TAAR8: variants seen among roughly 807,000 people sequenced by gnomAD.
TAAR8 encodes the protein trace amine associated receptor 8, also known as trace amine-associated receptor 8.
For synonymous variants in TAAR8, 157 were observed against 152.7 expected (o/e 1.03, Z -0.21); for missense variants, 459 against 405.8 (o/e 1.13, Z -1.13).
chr6:132,553,319 C>G (rs886346008), exon 1 of TAAR8: 1 of 1,613,996 alleles, frequency 6.2e-7, no homozygotes, highest in African/African-American at 1.3e-5. Flanking sequence ...TCATACCTAC[C>G]CTTGTTATGA....
exon 1 of TAAR8, chr6:132,553,152 G>C: frequency 6.2e-7 from 1 of 1,614,136 alleles, no homozygotes; most frequent in Non-Finnish European, 8.5e-7. Context: ...TTGCATCAGC[G>C]TGTCCTGGAT....
exon 1 of TAAR8, chr6:132,553,054 A>G: frequency 6.2e-7 from 1 of 1,614,110 alleles, no homozygotes; most frequent in Non-Finnish European, 8.5e-7. Context: ...TCTGTCCTCC[A>G]CTTGTGCTTC....
chr6:132,553,257 T>C, exon 1 of TAAR8: 1 of 1,614,246 alleles, frequency 6.2e-7, no homozygotes, highest in East Asian at 2.2e-5. Flanking sequence ...CGTAGGTGGC[T>C]GTCAAATTAT....
chr6:132,553,383 G>A, exon 1 of TAAR8: 1 of 1,614,042 alleles, frequency 6.2e-7, no homozygotes. Context: ...TATAAAAATT[G>A]AAACTACTAG....
At chr6:132,553,435 T>C in exon 1 of TAAR8, 1 of 1,613,872 alleles carries the variant, frequency 6.2e-7, no homozygotes, top group South Asian at 1.1e-5. Context: ...AAAATCAGAG[T>C]GGCCAAGAGA....
At position 132,553,237 on chromosome 6, in the gene TAAR8, C is replaced by G. The variant is rs376100244; in HGVS notation, c.545C>G (p.Ala182Gly). 2.8e-5 allele frequency: 45 copies of G among 1,614,064 alleles called. No individual in the cohort carries two copies. The highest frequency in any genetic ancestry group is 3.6e-5 in the Non-Finnish European group (43 of 1,180,028). ...GATGGGCTGGAGGAATTAGTAAGTG[C>G]TCTCAACTGCGTAGGTGGCTGTCAA... The change falls in exon 1 of 1, where the codon GCT becomes GGT. Residue 182 changes from alanine (A) to glycine (G), a missense_variant. Transcript: ENST00000275200.
At chr6:132,553,148 C>A in exon 1 of TAAR8, 2 of 1,614,154 alleles carry the variant, frequency 1.2e-6, no homozygotes, top group South Asian at 1.1e-5. Context: ...GAATTTGCAT[C>A]AGCGTGTCCT....
chr6:132,552,749 ATCT>A, exon 1 of TAAR8: 1 of 1,614,140 alleles, frequency 6.2e-7, no homozygotes. Flanking sequence ...ATGTGAATGG[ATCT>A]TGTATTGAAA....
chr6:132,552,728 T>C, exon 1 of TAAR8: 1 of 1,613,854 alleles, frequency 6.2e-7, no homozygotes, highest in Middle Eastern at 1.7e-4. Flanking sequence ...TTGTGCAGCT[T>C]TGCTATGAGG....
At chr6:132,553,035 T>C (rs781770068) in exon 1 of TAAR8, 19 of 1,614,228 alleles carry the variant, frequency 1.2e-5, no homozygotes, top group Non-Finnish European at 1.6e-5. Flanking sequence ...TGTGGCATTT[T>C]GTTACTCTTC....
chr6:132,553,371 G>T, exon 1 of TAAR8: 1 of 1,614,022 alleles, frequency 6.2e-7, no homozygotes, highest in Non-Finnish European at 8.5e-7. Flanking sequence ...TAAACAACAA[G>T]CTATAAAAAT....
At chr6:132,553,336 T>C (rs778578486) in exon 1 of TAAR8, 8 of 1,613,920 alleles carry the variant, frequency 5.0e-6, no homozygotes, top group Non-Finnish European at 5.9e-6. Context: ...ATGATAATTC[T>C]TTACAGTAAG....
chr6:132,553,539 A>G, exon 1 of TAAR8: 1 of 1,614,056 alleles, frequency 6.2e-7, no homozygotes, highest in African/African-American at 1.3e-5. Flanking sequence ...TGATGCCTTT[A>G]TGGGCTTCCT....
At chr6:132,552,762 A>C in exon 1 of TAAR8, 1 of 1,613,396 alleles carries the variant, frequency 6.2e-7, no homozygotes, top group Non-Finnish European at 8.5e-7. Flanking sequence ...TTGTATTGAA[A>C]CTCCCTATTC....
At chr6:132,553,084 T>A (rs1427920813) in exon 1 of TAAR8, 1 of 1,614,214 alleles carries the variant, frequency 6.2e-7, no homozygotes, top group Non-Finnish European at 8.5e-7. Flanking sequence ...GACAGGTACA[T>A]TGTGGTTACT....
At chr6:132,553,415 A>G (rs752916475) in exon 1 of TAAR8, 2 of 1,614,200 alleles carry the variant, frequency 1.2e-6, no homozygotes, top group East Asian at 4.5e-5. Flanking sequence ...AATCATCCTC[A>G]GAGAGTTATA....
exon 1 of TAAR8, chr6:132,552,852 A>G (rs767181287): frequency 6.2e-7 from 1 of 1,613,982 alleles, no homozygotes; most frequent in Non-Finnish European, 8.5e-7. Flanking sequence ...CTTAGTAATG[A>G]CTTCTGTTCT....
At chr6:132,552,695 G>C in exon 1 of TAAR8, 2 of 1,604,192 alleles carry the variant, frequency 1.2e-6, no homozygotes, top group Non-Finnish European at 1.7e-6. Context: ...GCAGAACCAT[G>C]ACCAGCAATT....
chr6:132,552,711 C>A, exon 1 of TAAR8: 1 of 1,606,154 alleles, frequency 6.2e-7, no homozygotes, highest in Non-Finnish European at 8.5e-7. Flanking sequence ...CAATTTTTCC[C>A]AACCTGTTGT....
Sources: gnomAD v4.1 joint callset for allele counts on GRCh38, gnomAD v4.1.1 for gene constraint, MANE v1.5 for transcripts, NCBI Gene and HGNC (gene_info 2026-07-23, HGNC 2026-07-21) for gene names.